Variants in C12orf54 observed in about 807,000 individuals in gnomAD.
C12orf54 encodes chromosome 12 open reading frame 54.
Under a neutral mutation model 26.4 loss-of-function variants are expected in C12orf54, and 24 were observed. The ratio of observed to expected loss-of-function variants is 0.91; its 90% CI spans 0.66 to 1.28. The LOEUF (loss-of-function observed/expected upper bound fraction) is 1.28, where lower values mean the gene tolerates loss of function less well. C12orf54 is among the 50% of genes most tolerant of loss of function. C12orf54 has a pLI of 0.00. For synonymous variants in C12orf54, 54 were observed against 47.0 expected (o/e 1.15, Z -0.61); for missense variants, 154 against 150.9 (o/e 1.02, Z -0.11).
At chr12:48,444,719 G>C in the C12orf54 span, among the ~76,000 whole-genome samples, 1 of 152,124 alleles carries the variant, frequency 6.6e-6, no homozygotes, top group African/African-American at 2.4e-5. Flanking sequence ...ACAGCTCTGA[G>C]AATGCTACCA....
At chr12:48,470,986 A>C in the C12orf54 span, among the ~76,000 whole-genome samples, 1 of 152,090 alleles carries the variant, frequency 6.6e-6, no homozygotes, top group African/African-American at 2.4e-5. Context: ...TACACTCTTT[A>C]AATTATTTTT....
the C12orf54 span, among the ~76,000 whole-genome samples, chr12:48,459,497 G>A: frequency 4.0e-4 from 61 of 152,284 alleles, 2 homozygotes; most frequent in African/African-American, 1.4e-3. Context: ...TCTGGGTGGA[G>A]ATGATACAGA....
chr12:48,490,004 G>A (rs1021390519), intron 5 of C12orf54, among the ~76,000 whole-genome samples: 16 of 152,122 alleles, frequency 1.1e-4, no homozygotes, highest in African/African-American at 3.4e-4. Flanking sequence ...TTACAGACAT[G>A]AGCCACCCCG....
At chr12:48,469,499 C>T in the C12orf54 span, among the ~76,000 whole-genome samples, 2 of 151,900 alleles carry the variant, frequency 1.3e-5, no homozygotes, top group Admixed American at 1.3e-4. Flanking sequence ...TTAGGATGCC[C>T]AGATTTCATA....
At chr12:48,429,295 A>G in the C12orf54 span, among the ~76,000 whole-genome samples, 75 of 152,298 alleles carry the variant, frequency 4.9e-4, no homozygotes, top group African/African-American at 1.8e-3. Context: ...CCTCTTCAGC[A>G]TAGTTCTGGA....
At chr12:48,457,279 T>TG in the C12orf54 span, among the ~76,000 whole-genome samples, 9 of 140,890 alleles carry the variant, frequency 6.4e-5, no homozygotes, top group Admixed American at 6.3e-4. Flanking sequence ...TTTTTGTTGT[T>TG]GTTGTTGGTG....
At chr12:48,456,839 C>T in the C12orf54 span, among the ~76,000 whole-genome samples, 1 of 152,082 alleles carries the variant, frequency 6.6e-6, no homozygotes, top group Non-Finnish European at 1.5e-5. Flanking sequence ...ATTAAATGCA[C>T]ACATCAATTG....
At chr12:48,418,270 T>G in the C12orf54 span, among the ~76,000 whole-genome samples, 2 of 152,170 alleles carry the variant, frequency 1.3e-5, no homozygotes, top group African/African-American at 4.8e-5. Context: ...GGAAAGACAT[T>G]CTCTATTTAC....
At chr12:48,488,228 C>T (rs916072637) in intron 4 of C12orf54, 9 of 675,964 alleles carry the variant, frequency 1.3e-5, no homozygotes, top group African/African-American at 1.2e-4. Flanking sequence ...TCACTCTATG[C>T]CGCAGCCATC....
the C12orf54 span, among the ~76,000 whole-genome samples, chr12:48,470,407 T>C: frequency 2.0e-5 from 3 of 152,218 alleles, no homozygotes; most frequent in Admixed American, 2.0e-4. Flanking sequence ...GAAGATGGTA[T>C]CTCATTGTGA....
the C12orf54 span, among the ~76,000 whole-genome samples, chr12:48,473,866 C>G: frequency 6.6e-6 from 1 of 152,256 alleles, no homozygotes; most frequent in East Asian, 1.9e-4. Context: ...ATGCTTTTCG[C>G]GGAACTGCTA....
intron 5 of C12orf54, among the ~76,000 whole-genome samples, chr12:48,490,114 A>G (rs779887298): frequency 2.0e-5 from 3 of 152,208 alleles, no homozygotes; most frequent in Non-Finnish European, 4.4e-5. Flanking sequence ...AAGGGCCCAG[A>G]AAAGACATAG....
At chr12:48,491,470 T>C (rs1369493000) in intron 6 of C12orf54, among the ~76,000 whole-genome samples, 1 of 152,216 alleles carries the variant, frequency 6.6e-6, no homozygotes. Context: ...GCATTCAGTC[T>C]ACAGCACGTG....
At chr12:48,439,826 A>G in the C12orf54 span, among the ~76,000 whole-genome samples, 4 of 152,204 alleles carry the variant, frequency 2.6e-5, no homozygotes, top group African/African-American at 9.6e-5. Flanking sequence ...GCAGCACACC[A>G]ACATGGCATA....
chr12:48,429,620 G>T, the C12orf54 span, among the ~76,000 whole-genome samples: 3 of 151,778 alleles, frequency 2.0e-5, no homozygotes, highest in Non-Finnish European at 4.4e-5. Context: ...AAGGTGAAAG[G>T]CCTCTACAAG....
the C12orf54 span, among the ~76,000 whole-genome samples, chr12:48,453,599 T>TACACATATATATGTGTATATATA: frequency 5.5e-5 from 1 of 18,180 alleles, no homozygotes; most frequent in African/African-American, 2.2e-4. Context: ...ATGTGTATAT[T>TACACATATATATGTGTATATATA]CATGTTCTGA....
the C12orf54 span, among the ~76,000 whole-genome samples, chr12:48,470,437 G>T: frequency 2.6e-5 from 4 of 152,012 alleles, no homozygotes. Context: ...GCATTTCTCT[G>T]ATGAGCATTT....
At chr12:48,492,809 C>A in intron 6 of C12orf54, 138 bp from the exon 7 acceptor site, 1 of 701,204 alleles carries the variant, frequency 1.4e-6, no homozygotes, top group Non-Finnish European at 2.6e-6. Context: ...TCTGATGGGC[C>A]TGTTAGGTGG....
chr12:48,488,813 C>G, intron 4 of C12orf54, 111 bp from the exon 5 acceptor site: 2 of 886,594 alleles, frequency 2.3e-6, no homozygotes, highest in Admixed American at 2.2e-5. Context: ...CATTCACATT[C>G]TACAGCCTAG....
Sources: gnomAD v4.1 joint callset for allele counts (sites outside exome capture counted in the v4.1 genomes callset) on GRCh38, gnomAD v4.1.1 for gene constraint, MANE v1.5 for transcripts, NCBI Gene and HGNC (gene_info 2026-07-23, HGNC 2026-07-21) for gene names.